The following NOP58 variants were observed in gnomAD, a reference collection of about 807,000 sequenced individuals.
The protein encoded by NOP58 is NOP58 ribonucleoprotein.
NOP58 carries 44 observed loss-of-function variants against 71.2 expected under a neutral mutation model. That is an observed-to-expected ratio of 0.62 (90% CI 0.49 to 0.79). The LOEUF (loss-of-function observed/expected upper bound fraction) is 0.79. Among genes scored for constraint, NOP58 ranks in the 30% least tolerant of loss-of-function variants. The probability of loss-of-function intolerance (pLI) is 0.00; values close to 1 mark genes in which losing one functional copy is unlikely to be tolerated. For synonymous variants in NOP58, 228 were observed against 200.3 expected (o/e 1.14, Z -1.17); for missense variants, 538 against 620.2 (o/e 0.87, Z 1.41).
intron 4 of NOP58, among the ~76,000 whole-genome samples, chr2:202,283,869 G>A (rs893600251): frequency 6.6e-6 from 1 of 152,188 alleles, no homozygotes; most frequent in Non-Finnish European, 1.5e-5. Context: ...CTGGAAGCTT[G>A]TATCAGTTTT....
chr2:202,267,684 A>C (rs980273011), intron 1 of NOP58, among the ~76,000 whole-genome samples: 6 of 152,158 alleles, frequency 3.9e-5, no homozygotes, highest in African/African-American at 1.4e-4. Context: ...ACTGTCCTGT[A>C]CCGGATGTGA....
intron 1 of NOP58, among the ~76,000 whole-genome samples, chr2:202,269,846 TC>T (rs1688487839): frequency 2.0e-5 from 3 of 152,252 alleles, no homozygotes; most frequent in Non-Finnish European, 4.4e-5. Flanking sequence ...CTTCAGCTGC[TC>T]TTCCATGTGG....
At chr2:202,298,000 CAT>C in intron 12 of NOP58, 94 bp downstream of exon 12, 1 of 742,986 alleles carries the variant, frequency 1.3e-6, no homozygotes, top group South Asian at 2.5e-5. Context: ...TTGATGTGCC[CAT>C]AGTTTTTTCA....
At chr2:202,278,960 G>A (rs72923091) in intron 3 of NOP58, among the ~76,000 whole-genome samples, 29,311 of 152,074 alleles carry the variant, frequency 0.19, 3,490 homozygotes, top group Non-Finnish European at 0.26. Flanking sequence ...TATAAACATA[G>A]TTCTAGGGCT....
intron 7 of NOP58, 78 bp downstream of exon 7, chr2:202,290,535 T>TAACA: frequency 7.8e-7 from 1 of 1,288,220 alleles, no homozygotes; most frequent in East Asian, 2.4e-5. Context: ...GTATAGCATT[T>TAACA]TGTTAAGCAA....
intron 9 of NOP58, 34 bp from the exon 10 acceptor site, chr2:202,295,640 G>GAGGTGCATTCTTTGT: frequency 3.3e-6 from 5 of 1,493,838 alleles, no homozygotes; most frequent in Non-Finnish European, 4.5e-6. Flanking sequence ...CATATATTTG[G>GAGGTGCATTCTTTGT]AGGTGCATTC....
intron 3 of NOP58, among the ~76,000 whole-genome samples, chr2:202,279,780 C>T (rs1292667580): frequency 1.3e-5 from 2 of 152,090 alleles, no homozygotes; most frequent in Non-Finnish European, 2.9e-5. Flanking sequence ...GGCAACAGAG[C>T]GAGACTCCTT....
At chr2:202,290,130 A>G (rs1252126132) in intron 6 of NOP58, among the ~76,000 whole-genome samples, 193 bp from the exon 7 acceptor site, 1 of 151,870 alleles carries the variant, frequency 6.6e-6, no homozygotes, top group Non-Finnish European at 1.5e-5. Context: ...TAATTTTTGT[A>G]TTTTTAATAG....
intron 3 of NOP58, among the ~76,000 whole-genome samples, chr2:202,279,134 A>G (rs1018668145): frequency 3.9e-5 from 6 of 152,078 alleles, no homozygotes; most frequent in South Asian, 4.1e-4. Flanking sequence ...CTGTATTCAA[A>G]CTCTAGGGGG....
chr2:202,278,434 C>G lies in NOP58; in HGVS notation c.175+432C>G, dbSNP rs1688641789. ...CAGTTGAAAAATAATTTAAAAAGCT[C>G]TTCTGGGGGTATAGATTTTTAGTTC... On this transcript the variant is annotated intron_variant, in intron 3 of 14. Transcript: ENST00000264279. The G allele has an allele frequency of 1.4e-5, 5 of 347,800 alleles. No homozygotes were observed. In the Admixed American group the frequency reaches 2.0e-4, roughly 14 times the overall value. The allele number at this position is 347,800 out of a possible 1,614,324, so 21.5% of individuals were successfully genotyped here.
chr2:202,299,343 T>C (rs1430283000), intron 12 of NOP58, among the ~76,000 whole-genome samples: 1 of 152,230 alleles, frequency 6.6e-6, no homozygotes, highest in Non-Finnish European at 1.5e-5. Flanking sequence ...TAAATACATA[T>C]TTAAGTATAA....
chr2:202,275,894 C>G (rs1203676964), intron 2 of NOP58, among the ~76,000 whole-genome samples: 2 of 152,136 alleles, frequency 1.3e-5, no homozygotes, highest in East Asian at 1.9e-4. Flanking sequence ...GTCTCAAACT[C>G]CTGACCTCAG....
intron 12 of NOP58, among the ~76,000 whole-genome samples, chr2:202,298,903 T>C (rs1689040766): frequency 6.6e-6 from 1 of 151,322 alleles, no homozygotes; most frequent in South Asian, 2.1e-4. Flanking sequence ...AAAATGTTCC[T>C]AGTCATTAAC....
In NOP58 at chr2:202,292,793, A is replaced by T. The variant is rs1688925940; in HGVS notation, c.797A>T (p.Glu266Val). ...HLCTQVIEISEYRTQLYEYLQ... is the reference protein window; with the variant it reads ...HLCTQVIEISVYRTQLYEYLQ... ...TTATACTAGGTGATTGAAATCTCTG[A>T]ATATCGAACCCAGCTCTATGAATAT... The change falls in exon 9 of 15, where the codon GAA becomes GTA. Residue 266 changes from glutamate (E) to valine (V), a missense_variant. Coordinates refer to ENST00000264279, the MANE Select transcript of NOP58 (RefSeq NM_015934.5). The T allele has an allele frequency of 1.2e-6, 2 of 1,611,026 alleles. No homozygotes were observed. The highest frequency in any genetic ancestry group is 1.3e-5 in the African/African-American group (1 of 74,864).
chr2:202,302,262 GTATTTT>G (rs1295538728), intron 13 of NOP58, among the ~76,000 whole-genome samples: 1 of 151,304 alleles, frequency 6.6e-6, no homozygotes, highest in Non-Finnish European at 1.5e-5. Context: ...TAACTTTTTT[GTATTTT>G]TATTAGATAC....
At position 202,303,614 on chromosome 2, in the gene NOP58, A is replaced by G. The variant is rs1038488368; in HGVS notation, c.*178A>G. 1 of 677,692 alleles carries G rather than the reference A, an allele frequency of 1.5e-6. No homozygotes were observed. The highest frequency in any genetic ancestry group is 1.8e-5 in the African/African-American group (1 of 54,498). The allele number at this position is 677,692 out of a possible 1,614,324, so 42.0% of individuals were successfully genotyped here. Reference sequence around the variant, plus strand: ...TCAACTCTGTTAACCTTATGTCATCATTTCTTAGAGTCTTTGATATACAAA... The same window carrying G: ...TCAACTCTGTTAACCTTATGTCATCGTTTCTTAGAGTCTTTGATATACAAA... On this transcript the variant is annotated 3_prime_UTR_variant, in exon 15 of 15. Transcript: ENST00000264279.
At chr2:202,281,478 C>G (rs1298756981) in intron 3 of NOP58, among the ~76,000 whole-genome samples, 1 of 152,054 alleles carries the variant, frequency 6.6e-6, no homozygotes, top group Non-Finnish European at 1.5e-5. Flanking sequence ...GGGTCTGTCA[C>G]CAGGCTGCTG....
chr2:202,278,705 A>G (rs1315268775), intron 3 of NOP58, among the ~76,000 whole-genome samples: 2 of 152,212 alleles, frequency 1.3e-5, no homozygotes, highest in African/African-American at 2.4e-5. Flanking sequence ...TGAATTCTTT[A>G]TCACAAATCA....
chr2:202,299,187 T>G (rs954864779), intron 12 of NOP58, among the ~76,000 whole-genome samples: 2 of 152,100 alleles, frequency 1.3e-5, no homozygotes, highest in African/African-American at 4.8e-5. Context: ...CTTGATCTCC[T>G]GACCTCGTGA....
Sources: gnomAD v4.1 joint callset for allele counts (sites outside exome capture counted in the v4.1 genomes callset) on GRCh38, gnomAD v4.1.1 for gene constraint, MANE v1.5 for transcripts, NCBI Gene and HGNC (gene_info 2026-07-23, HGNC 2026-07-21) for gene names.